Variants in CD5L observed in about 807,000 individuals in gnomAD.
CD5L encodes CD5 molecule like.
A neutral mutation model predicts 40.8 loss-of-function variants in CD5L; 39 were observed. The ratio of observed to expected loss-of-function variants is 0.96; its 90% CI spans 0.74 to 1.25. The LOEUF is 1.25. CD5L is among the 50% of genes most tolerant of loss of function. CD5L has a pLI of 0.00. For missense variants in CD5L, 433 were observed against 435.9 expected, an observed-to-expected ratio of 0.99 and a Z score of 0.06; for synonymous variants, 192 against 169.6, an observed-to-expected ratio of 1.13 and a Z score of -1.03.
In CD5L at chr1:157,839,527, C is replaced by T. The variant is rs1186887761; in HGVS notation, c.29-117G>A. The T allele has an allele frequency of 2.9e-6, 3 of 1,019,260 alleles. No homozygotes were observed. In the African/African-American group the frequency reaches 4.9e-5, roughly 17 times the overall value. The allele number at this position is 1,019,260 out of a possible 1,614,324, so 63.1% of individuals were successfully genotyped here. ...ACAAGAGTGGTAGATGCAGAGCCTC[C>T]AATGTCAGTCCTGTTGGGACCTTCT... is the stretch of plus-strand genomic sequence containing the variant. On this transcript the variant is annotated intron_variant, in intron 1 of 5. Transcript: ENST00000368174.
intron 1 of CD5L, among the ~76,000 whole-genome samples, chr1:157,839,718 G>GT (rs34856171): frequency 0.75 from 114,611 of 152,088 alleles, 43,412 homozygotes; most frequent in South Asian, 0.85. Flanking sequence ...ACTGCCTGAA[G>GT]AAAAGTGTGG....
chr1:157,836,024 G>A lies in CD5L; in HGVS notation c.187C>T (p.Arg63Trp), dbSNP rs749053734. The change falls in exon 3 of 6, where the codon CGG (arginine) becomes TGG (tryptophan). Residue 63 changes from arginine to tryptophan, a missense_variant. By Grantham distance (101) the Arg-to-Trp change is moderately radical. Coordinates refer to ENST00000368174, the MANE Select transcript of CD5L (RefSeq NM_005894.3). ...CTGGCAGCTCCACAGCCCAGCTCCC[G>A]GCACAACACAGCCACGTCCTTAATG... ...WDIKDVAVLC[R>W]ELGCGAASGT... 1.6e-5 allele frequency: 26 copies of A among 1,613,986 alleles called. No individual in the cohort carries two copies. The highest frequency in any genetic ancestry group is 3.3e-5 in the Admixed American group (2 of 60,008).
At chr1:157,837,279 C>T (rs1053249800) in intron 2 of CD5L, among the ~76,000 whole-genome samples, 1 of 151,848 alleles carries the variant, frequency 6.6e-6, no homozygotes, top group African/African-American at 2.4e-5. Context: ...CCAAGACATG[C>T]AAGGAGAGTG....
At chr1:157,833,731 G>C (rs564838224) in intron 4 of CD5L, among the ~76,000 whole-genome samples, 2 of 149,440 alleles carry the variant, frequency 1.3e-5, no homozygotes, top group East Asian at 3.9e-4. Context: ...TCAGCCTCCC[G>C]AGTAGCTGGG....
downstream of CD5L, among the ~76,000 whole-genome samples, chr1:157,829,783 C>CA (rs536108510): frequency 2.0e-5 from 3 of 152,166 alleles, no homozygotes; most frequent in South Asian, 6.2e-4. Flanking sequence ...TCAAAAACTT[C>CA]AAAAAAATTA....
chr1:157,838,549 G>T (rs986363105), intron 2 of CD5L, among the ~76,000 whole-genome samples: 10 of 150,246 alleles, frequency 6.7e-5, no homozygotes, highest in African/African-American at 2.2e-4. Context: ...TGGGAAAGAA[G>T]AAATAAATAA....
chr1:157,833,398 T>TA lies in CD5L; in HGVS notation c.832_833insT (p.Asp278ValfsTer35). 2.5e-6 allele frequency: 4 copies of TA among 1,614,058 alleles called. No homozygotes were observed. Among genetic ancestry groups the TA allele is most frequent in the Non-Finnish European group, 3.4e-6 (4 of 1,179,998 alleles). ...GCCCAGTTGCTTGCATACCACCTGG[T>TA]CCTCCTTTTCTCCCCAGTTGTCATC... On this transcript the variant is annotated frameshift_variant, in exon 5 of 6. Transcript: ENST00000368174. LOFTEE classifies it high-confidence loss of function.
At chr1:157,829,502 T>C (rs1655989859), downstream of CD5L, among the ~76,000 whole-genome samples, 1 of 152,208 alleles carries the variant, frequency 6.6e-6, no homozygotes, top group Non-Finnish European at 1.5e-5. Flanking sequence ...TGTAAAAGAA[T>C]TATTGGGCAT....
At chr1:157,834,990 T>A (rs1299550298) in intron 3 of CD5L, among the ~76,000 whole-genome samples, 1 of 152,248 alleles carries the variant, frequency 6.6e-6, no homozygotes, top group African/African-American at 2.4e-5. Flanking sequence ...TTCAAATTGT[T>A]TTCATGTTCA....
At chr1:157,833,122 AC>A in intron 5 of CD5L, 69 bp downstream of exon 5, 1 of 1,212,984 alleles carries the variant, frequency 8.2e-7, no homozygotes, top group Non-Finnish European at 1.2e-6. Context: ...CCCAGAGTAC[AC>A]CCCCATCATT....
In CD5L at chr1:157,831,221, A is replaced by T. The variant is rs977935948; in HGVS notation, c.*743T>A. 2 of 985,310 alleles carry T rather than the reference A, an allele frequency of 2.0e-6. No homozygotes were observed. The highest frequency in any genetic ancestry group is 2.4e-6 in the Non-Finnish European group (2 of 829,852). The allele number at this position is 985,310 out of a possible 1,614,324, so 61.0% of individuals were successfully genotyped here. A position where few individuals can be genotyped will look rare whatever the true frequency, so the allele number is the denominator to read the frequency against. On this transcript the variant is annotated 3_prime_UTR_variant, in exon 6 of 6. Transcript: ENST00000368174. ...TTGAATAAAGTAAAATGTATTTTTG[A>T]CATTCCTCTCATTAAATGTCAACCA...
chr1:157,828,662 T>C (rs78132108), downstream of CD5L, among the ~76,000 whole-genome samples: 1,980 of 152,298 alleles, frequency 0.013, 53 homozygotes, highest in African/African-American at 0.045. Flanking sequence ...ACCAACTCAT[T>C]AATGCTCACT....
chr1:157,836,771 T>C (rs1019453858), intron 2 of CD5L, among the ~76,000 whole-genome samples: 1 of 152,178 alleles, frequency 6.6e-6, no homozygotes, highest in African/African-American at 2.4e-5. Flanking sequence ...TATGAAATTG[T>C]TCCTTGTTCA....
At chr1:157,836,315 C>T (rs1308211692) in intron 2 of CD5L, among the ~76,000 whole-genome samples, 160 bp from the exon 3 acceptor site, 3 of 152,184 alleles carry the variant, frequency 2.0e-5, no homozygotes, top group Admixed American at 6.5e-5. Context: ...AGAGGAGCTT[C>T]AGAACTCCGT....
Position 157,833,464 on chromosome 1 carries a change from C to A in CD5L, c.767G>T (p.Arg256Leu). ...LVGGDNLCSG[R>L]LEVLHKGVWG... ...TACGCCCTTGTGCAGCACCTCCAGT[C>A]GCCCAGAGCAGAGGTTGTCTCCTCC... The change falls in exon 5 of 6, where the codon CGA becomes CTA. Residue 256 changes from arginine (R) to leucine (L), a missense_variant. Coordinates refer to ENST00000368174, the MANE Select transcript of CD5L (RefSeq NM_005894.3). 6.2e-7 allele frequency: 1 copy of A among 1,614,062 alleles called. No individual in the cohort carries two copies. The highest frequency in any genetic ancestry group is 8.5e-7 in the Non-Finnish European group (1 of 1,180,012).
rs1303418538 is a variant in CD5L, at chr1:157,833,382, C to T, written c.849G>A (p.Lys283=). The T allele has an allele frequency of 6.2e-7, 1 of 1,614,112 alleles. No homozygotes were observed. Among genetic ancestry groups the T allele is most frequent in the South Asian group, 1.1e-5 (1 of 91,084 alleles). The change falls in exon 5 of 6, where the codon AAG becomes AAA. Residue 283 remains lysine, a synonymous_variant. Transcript: ENST00000368174. Reference sequence around the variant, plus strand: ...AGAGGGACTTCCCACAGCCCAGTTGCTTGCATACCACCTGGTCCTCCTTTT... The same window carrying T: ...AGAGGGACTTCCCACAGCCCAGTTGTTTGCATACCACCTGGTCCTCCTTTT... ...WGEKEDQVVC[K]QLGCGKSLSP... is the part of the protein sequence containing the mutation.
At chr1:157,832,040 AT>A in intron 5 of CD5L, 72 bp from the exon 6 acceptor site, 1 of 1,206,296 alleles carries the variant, frequency 8.3e-7, no homozygotes, top group Non-Finnish European at 1.2e-6. Flanking sequence ...TGAAACTCAC[AT>A]TAGCTAAGGG....
intron 2 of CD5L, 116 bp from the exon 3 acceptor site, chr1:157,836,271 A>T: frequency 1.2e-6 from 1 of 820,078 alleles, no homozygotes; most frequent in Non-Finnish European, 1.9e-6. Flanking sequence ...GTGTTGGGGA[A>T]CTAGAAATAA....
At chr1:157,835,053 A>G (rs574546433) in intron 3 of CD5L, among the ~76,000 whole-genome samples, 15 of 152,374 alleles carry the variant, frequency 9.8e-5, no homozygotes, top group African/African-American at 3.6e-4. Context: ...AAAAATAAAT[A>G]CAATAACATA....
Sources: gnomAD v4.1 joint callset for allele counts (sites outside exome capture counted in the v4.1 genomes callset) on GRCh38, gnomAD v4.1.1 for gene constraint, MANE v1.5 for transcripts, NCBI Gene and HGNC (gene_info 2026-07-23, HGNC 2026-07-21) for gene names.